The following PRSS23 variants were observed in gnomAD, a reference collection of about 807,000 sequenced individuals.
PRSS23 encodes the protein serine protease 23.
PRSS23 carries 25 observed loss-of-function variants against 34.7 expected under a neutral mutation model. That is an observed-to-expected ratio of 0.72 (90% CI 0.53 to 1.01). PRSS23 has a LOEUF of 1.01. PRSS23 is among the 50% of genes least tolerant of loss of function. The probability of loss-of-function intolerance (pLI) is 0.00; values close to 1 mark genes in which losing one functional copy is unlikely to be tolerated. For synonymous variants in PRSS23, 176 were observed against 186.6 expected, an observed-to-expected ratio of 0.94 and a Z score of 0.46; for missense variants, 445 against 475.6, an observed-to-expected ratio of 0.94 and a Z score of 0.60.
At chr11:86,906,144 C>T (rs940758462) in intron 2 of PRSS23, among the ~76,000 whole-genome samples, 3 of 152,190 alleles carry the variant, frequency 2.0e-5, no homozygotes, top group Non-Finnish European at 2.9e-5. Context: ...AGGGCCAGGG[C>T]CTGGCGGGGC....
intron 2 of PRSS23, among the ~76,000 whole-genome samples, chr11:86,875,395 G>T (rs11234848): frequency 0.087 from 13,289 of 152,086 alleles, 637 homozygotes; most frequent in East Asian, 0.2. Context: ...TAAAATAAAT[G>T]AAATAAAGTG....
At chr11:86,881,444 C>A (rs2508434) in intron 2 of PRSS23, among the ~76,000 whole-genome samples, 81,297 of 151,668 alleles carry the variant, frequency 0.54, 23,093 homozygotes, top group African/African-American at 0.73. Flanking sequence ...CCTGAGATAA[C>A]TCCCACTTAG....
intron 1 of PRSS23, among the ~76,000 whole-genome samples, chr11:86,819,644 G>A (rs1948239088): frequency 6.6e-6 from 1 of 152,100 alleles, no homozygotes; most frequent in African/African-American, 2.4e-5. Flanking sequence ...GGTTTGGAAA[G>A]GCATACACTG....
At chr11:86,799,389 C>T (rs1002542402), upstream of PRSS23, among the ~76,000 whole-genome samples, 7 of 152,172 alleles carry the variant, frequency 4.6e-5, no homozygotes, top group Middle Eastern at 3.2e-3. Flanking sequence ...TGAGAGTAGA[C>T]TTTGATAGGA....
chr11:86,907,617 G>A (rs1440237677), intron 2 of PRSS23, among the ~76,000 whole-genome samples: 10 of 151,954 alleles, frequency 6.6e-5, no homozygotes. Context: ...ACACCACCAC[G>A]CCCAGATAAT....
chr11:86,923,500 T>C (rs1040293502), intron 2 of PRSS23, among the ~76,000 whole-genome samples: 1 of 152,182 alleles, frequency 6.6e-6, no homozygotes, highest in East Asian at 1.9e-4. Context: ...AACTAGACTA[T>C]AGGCCACCAA....
chr11:86,950,580 T>C (rs2135038697), intron 2 of PRSS23: 1 of 167,218 alleles, frequency 6.0e-6, no homozygotes, highest in East Asian at 1.6e-4. Context: ...TTCTTGGGAG[T>C]GCAGTCCACA....
intron 2 of PRSS23, among the ~76,000 whole-genome samples, chr11:86,839,179 A>G (rs1160568387): frequency 6.6e-6 from 1 of 152,214 alleles, no homozygotes; most frequent in African/African-American, 2.4e-5. Context: ...TCAGAAGGTC[A>G]GTAGTAACGA....
At chr11:86,937,154 G>A (rs1949169732) in intron 2 of PRSS23, 1 of 152,182 alleles carries the variant, frequency 6.6e-6, no homozygotes, top group Non-Finnish European at 1.5e-5. Flanking sequence ...AGCAGAGGCT[G>A]AGTAAAGATT....
chr11:86,917,058 G>A (rs375660103), intron 2 of PRSS23, among the ~76,000 whole-genome samples: 5 of 152,190 alleles, frequency 3.3e-5, no homozygotes, highest in South Asian at 4.1e-4. Context: ...GGTCGCTCAC[G>A]CCTGTAATCC....
rs1348700991 is a variant in PRSS23, at chr11:86,879,821, G to A, written c.206+56228G>A. On this transcript the variant is annotated intron_variant, in intron 2 of 2. Coordinates refer to the PRSS23 transcript ENST00000533902. ...CAGCCGCCCCGTCCGGGAGGGAGGT[G>A]GGGGGGGTCAGCCCCCCGCCCGGCC... Among the ~76,000 whole-genome samples, 5 of 20,072 alleles carry A rather than the reference G, an allele frequency of 2.5e-4. 1 individual carries two copies. The highest frequency in any genetic ancestry group is 7.2e-4 in the African/African-American group (1 of 1,382). 13.2% of individuals were successfully genotyped at this position (20,072 alleles called of 152,430 possible).
intron 2 of PRSS23, among the ~76,000 whole-genome samples, chr11:86,853,183 C>T (rs1193980015): frequency 2.1e-5 from 3 of 143,728 alleles, no homozygotes; most frequent in Admixed American, 1.4e-4. Context: ...TTATGTATTT[C>T]ACTGACGATG....
chr11:86,944,795 C>G (rs541825441), intron 2 of PRSS23, among the ~76,000 whole-genome samples: 1 of 152,262 alleles, frequency 6.6e-6, no homozygotes, highest in South Asian at 2.1e-4. Context: ...AATTACATAC[C>G]TGCCTTCATT....
chr11:86,793,707 T>C lies in PRSS23; in HGVS notation c.-14+2512T>C, dbSNP rs552228385. Among the ~76,000 whole-genome samples, 3 of 152,322 alleles carry C rather than the reference T, an allele frequency of 2.0e-5. No homozygotes were observed. The South Asian group carries it at 6.2e-4, about 32-fold the overall frequency. ...TAAATTATTTCTGATCTAATATTTT[T>C]AACCAATTAGAATTTTATTCATTAA... On this transcript the variant is annotated intron_variant, in intron 1 of 1. Transcript: ENST00000527521.
At chr11:86,900,781 C>CTGTCTCTTTT (rs775258446) in intron 2 of PRSS23, among the ~76,000 whole-genome samples, 10 of 94,016 alleles carry the variant, frequency 1.1e-4, no homozygotes, top group African/African-American at 4.5e-4. Flanking sequence ...ATCTCTCTCT[C>CTGTCTCTTTT]TTTTTTTTTT....
chr11:86,911,600 AC>A (rs1337001706), intron 2 of PRSS23: 1 of 152,074 alleles, frequency 6.6e-6, no homozygotes, highest in Non-Finnish European at 1.5e-5. Context: ...GAGTTATTTC[AC>A]TTAGGATAAT....
At chr11:86,793,410 A>G (rs890648634) in intron 1 of PRSS23, among the ~76,000 whole-genome samples, 2 of 152,238 alleles carry the variant, frequency 1.3e-5, no homozygotes, top group African/African-American at 4.8e-5. Context: ...AATTCAGAGC[A>G]TACTGCAAAG....
rs1238255333 is a variant in PRSS23 at position 86,823,954 on chromosome 11, C to T, written c.206+361C>T. 1.8e-4 allele frequency among the ~76,000 whole-genome samples: 23 copies of T among 128,650 alleles called. 3 individuals carry two copies. The highest frequency in any genetic ancestry group is 6.6e-4 in the African/African-American group (22 of 33,540). 84.4% of individuals were successfully genotyped at this position (128,650 alleles called of 152,430 possible). A position where few individuals can be genotyped will look rare whatever the true frequency, so the allele number is the denominator to read the frequency against. On this transcript the variant is annotated intron_variant, in intron 2 of 2. Transcript: ENST00000533902. ...CCGGGAGGTGGAGCTTGCAGTGAGC[C>T]GAGATCGCGCCACTGCAGTCCGGCC...
intron 2 of PRSS23, among the ~76,000 whole-genome samples, chr11:86,928,216 AAATATATATG>A (rs949963919): frequency 1.9e-4 from 25 of 130,082 alleles, no homozygotes; most frequent in African/African-American, 7.3e-4. Flanking sequence ...TTATACTTAT[AAATATATATG>A]TATTATATAT....
Sources: allele counts gnomAD v4.1 joint callset (sites outside exome capture counted in the v4.1 genomes callset), GRCh38; gene constraint gnomAD v4.1.1; transcripts MANE v1.5; gene names NCBI Gene and HGNC (gene_info 2026-07-23, HGNC 2026-07-21).